Variants in SYNE1 observed in about 807,000 individuals in gnomAD.
SYNE1 encodes spectrin repeat containing nuclear envelope protein 1.
Under a neutral mutation model 1,111.0 loss-of-function variants are expected in SYNE1, and 616 were observed. The ratio of observed to expected loss-of-function variants is 0.55; its 90% CI spans 0.52 to 0.59. The LOEUF (loss-of-function observed/expected upper bound fraction) is 0.59, where lower values mean the gene tolerates loss of function less well. SYNE1 is among the 20% of genes least tolerant of loss of function. SYNE1 has a pLI of 0.00. For synonymous variants in SYNE1, 3,855 were observed against 3,825.8 expected (o/e 1.01, Z -0.28); for missense variants, 10,006 against 10,417.0 (o/e 0.96, Z 1.72).
intron 46 of SYNE1, among the ~76,000 whole-genome samples, 160 bp downstream of exon 46, chr6:152,404,053 A>T (rs1434863264): frequency 6.6e-6 from 1 of 151,102 alleles, no homozygotes; most frequent in Non-Finnish European, 1.5e-5. Context: ...ATATAGATGT[A>T]TATGAGATAT....
chr6:152,131,475 A>G (rs969052621), intron 144 of SYNE1, among the ~76,000 whole-genome samples: 1 of 152,204 alleles, frequency 6.6e-6, no homozygotes, highest in Non-Finnish European at 1.5e-5. Context: ...GACAAAAAAT[A>G]TATAACAAAA....
rs759403120 is a variant in SYNE1 at position 152,358,532 on chromosome 6, G to T, written c.10449C>A (p.Ala3483=). The T allele has an allele frequency of 1.2e-6, 2 of 1,613,966 alleles. No individual in the cohort carries two copies. Among genetic ancestry groups the T allele is most frequent in the South Asian group, 1.1e-5 (1 of 91,072 alleles). ...YRAIQERAKE[A]VTKSEKLVRL... Reference sequence around the variant, plus strand: ...GGACAAGTTTTTCAGACTTGGTTACGGCTTCCTATAATTAGCATTTAAAAT... The same window carrying T: ...GGACAAGTTTTTCAGACTTGGTTACTGCTTCCTATAATTAGCATTTAAAAT... Residue 3483 remains alanine, a synonymous_variant, in exon 66 of 146, where the codon GCC becomes GCA. Coordinates refer to ENST00000367255, the MANE Select transcript of SYNE1 (RefSeq NM_182961.4).
intron 93 of SYNE1, among the ~76,000 whole-genome samples, chr6:152,295,271 TC>T (rs1294036657): frequency 6.6e-6 from 1 of 152,224 alleles, no homozygotes; most frequent in African/African-American, 2.4e-5. Context: ...TTGTTGTTGT[TC>T]CTGAGGTCTC....
chr6:152,628,663 C>T (rs1297874569), intron 2 of SYNE1, 109 bp from the exon 3 acceptor site: 1 of 280,918 alleles, frequency 3.6e-6, no homozygotes, highest in East Asian at 6.6e-5. Flanking sequence ...GGTCCATTAT[C>T]AAGTGAAACA....
At chr6:152,458,609 G>T (rs972780834) in intron 22 of SYNE1, 148 bp downstream of exon 22, 1 of 785,374 alleles carries the variant, frequency 1.3e-6, no homozygotes, top group African/African-American at 1.7e-5. Context: ...TTCATCTTTG[G>T]ACAAGACATG....
At chr6:152,511,691 T>G (rs2099085826) in intron 6 of SYNE1, 2 of 1,219,672 alleles carry the variant, frequency 1.6e-6, no homozygotes, top group Admixed American at 3.5e-5. Flanking sequence ...AGGTAGTCAG[T>G]TTAGAACCTG....
intron 129 of SYNE1, 49 bp from the exon 130 acceptor site, chr6:152,176,609 C>T (rs1472169443): frequency 6.4e-7 from 1 of 1,560,004 alleles, no homozygotes; most frequent in Non-Finnish European, 8.8e-7. Flanking sequence ...ATTCTTAATA[C>T]ATCCAGCCCA....
At chr6:152,535,269 C>A (rs945433122) in intron 4 of SYNE1, among the ~76,000 whole-genome samples, 1 of 152,170 alleles carries the variant, frequency 6.6e-6, no homozygotes, top group African/African-American at 2.4e-5. Context: ...TTTTAAGCCA[C>A]CCAGTATGTG....
chr6:152,628,312 G>A lies in SYNE1; in HGVS notation c.20C>T (p.Ala7Val). The part of the protein sequence containing the change: MATSRG[A>V]SRCPRDIANV... ...GGCGATATCCCGAGGACACCGGGAG[G>A]CCCCTCTGGAGGTTGCCATGGTCCC... is the stretch of plus-strand genomic sequence containing the variant. Residue 7 changes from alanine (A) to valine (V), a missense_variant, in exon 3 of 146, where the codon GCC becomes GTC. By Grantham distance (64) the Ala-to-Val change is moderately conservative (BLOSUM62 0). Transcript: ENST00000367255. The A allele has an allele frequency of 6.2e-7, 1 of 1,614,138 alleles. No homozygotes were observed. The highest frequency in any genetic ancestry group is 8.5e-7 in the Non-Finnish European group (1 of 1,180,024).
At chr6:152,514,665 A>T (rs983429887) in intron 6 of SYNE1, among the ~76,000 whole-genome samples, 1 of 152,030 alleles carries the variant, frequency 6.6e-6, no homozygotes, top group Admixed American at 6.6e-5. Context: ...TACCAAAAAA[A>T]AAAAAAATGA....
intron 140 of SYNE1, among the ~76,000 whole-genome samples, chr6:152,138,008 A>G (rs9322361): frequency 0.12 from 17,569 of 152,126 alleles, 1,297 homozygotes; most frequent in Non-Finnish European, 0.17. Context: ...CTTTTTAAGG[A>G]ATCTGGTTAT....
chr6:152,218,597 A>G (rs1447474516), intron 120 of SYNE1, among the ~76,000 whole-genome samples, 194 bp from the exon 121 acceptor site: 6 of 152,246 alleles, frequency 3.9e-5, no homozygotes, highest in African/African-American at 1.4e-4. Context: ...TCTAAAAACT[A>G]TAATTATTTC....
At chr6:152,275,755 C>T (rs1308189419) in intron 98 of SYNE1, among the ~76,000 whole-genome samples, 1 of 151,418 alleles carries the variant, frequency 6.6e-6, no homozygotes, top group African/African-American at 2.4e-5. Flanking sequence ...GTGGTGCGCG[C>T]CTATAGTCCC....
chr6:152,413,596 G>A (rs566213045), intron 41 of SYNE1, 65 bp from the exon 42 acceptor site: 28 of 1,520,582 alleles, frequency 1.8e-5, no homozygotes, highest in Middle Eastern at 1.7e-4. Flanking sequence ...TTTCTTCTCC[G>A]TAAGTATATG....
intron 16 of SYNE1, among the ~76,000 whole-genome samples, chr6:152,468,773 T>C (rs910174819): frequency 8.6e-5 from 13 of 151,948 alleles, no homozygotes; most frequent in African/African-American, 2.2e-4. Flanking sequence ...TATAATACTT[T>C]ATTTTTATTT....
intron 101 of SYNE1, among the ~76,000 whole-genome samples, chr6:152,261,075 A>G (rs1319218772): frequency 6.6e-6 from 1 of 151,942 alleles, no homozygotes; most frequent in Non-Finnish European, 1.5e-5. Context: ...CCAATTCACT[A>G]CAGTTATTGA....
chr6:152,206,511 A>G lies in SYNE1; in HGVS notation c.22825-149T>C, dbSNP rs1269520720. On this transcript the variant is annotated intron_variant, in intron 125 of 145. Transcript: ENST00000367255. ...TTTGCACATGCATGCACCAGTGAAT[A>G]AATGAGTGAGAATACAATGGAGACA... The G allele has an allele frequency of 1.0e-5, 8 of 794,526 alleles. No homozygotes were observed. The Admixed American group carries it at 1.9e-4, about 19-fold the overall frequency. 49.2% of individuals were successfully genotyped at this position (794,526 alleles called of 1,614,324 possible). A position where few individuals can be genotyped will look rare whatever the true frequency, so the allele number is the denominator to read the frequency against.
At chr6:152,604,980 GAAAGAAAGAAAGAAAGAAAGAAAGAA>G (rs1480083926) in intron 3 of SYNE1, among the ~76,000 whole-genome samples, 35 of 20,110 alleles carry the variant, frequency 1.7e-3, no homozygotes, top group Admixed American at 4.0e-3. Flanking sequence ...AAGAAAGAAA[GAAAGAAAGAAAGAAAGAAAGAAAGAA>G]AGAGAGAGAG....
Position 152,278,297 on chromosome 6 carries a change from A to G in SYNE1, c.18382-17T>C, listed in dbSNP as rs1342590380. The G allele has an allele frequency of 2.5e-6, 4 of 1,613,774 alleles. No homozygotes were observed. In the East Asian group the frequency reaches 8.9e-5, roughly 36 times the overall value. On this transcript the variant is annotated splice_polypyrimidine_tract_variant and intron_variant, in intron 97 of 145. Transcript: ENST00000367255. ...CAGCATATTCTGCAGCAACAGAAAT[A>G]AGAATGAAACTCACACATCTCCCCA...
Sources: allele counts gnomAD v4.1 joint callset (sites outside exome capture counted in the v4.1 genomes callset), GRCh38; gene constraint gnomAD v4.1.1; transcripts MANE v1.5; gene names NCBI Gene and HGNC (gene_info 2026-07-23, HGNC 2026-07-21).